Variants in WDFY4 observed in about 807,000 individuals in gnomAD.
The protein encoded by WDFY4 is WD repeat- and FYVE domain-containing protein 4.
WDFY4 carries 169 observed loss-of-function variants against 351.9 expected under a neutral mutation model. The ratio of observed to expected loss-of-function variants is 0.48; its 90% CI spans 0.42 to 0.55. The LOEUF (loss-of-function observed/expected upper bound fraction) is 0.55, where lower values mean the gene tolerates loss of function less well. Ranked by LOEUF, WDFY4 falls within the 20% of genes least tolerant of loss-of-function variation. The probability of loss-of-function intolerance (pLI) is 0.00; values close to 1 mark genes in which losing one functional copy is unlikely to be tolerated. For synonymous variants in WDFY4, 1,622 were observed against 1,574.6 expected (o/e 1.03, Z -0.71); for missense variants, 3,803 against 3,935.6 (o/e 0.97, Z 0.90).
chr10:48,910,190 G>GTGTTT, intron 47 of WDFY4: 7 of 1,499,342 alleles, frequency 4.7e-6, no homozygotes, highest in Non-Finnish European at 6.5e-6. Flanking sequence ...CTTCAGAGTC[G>GTGTTT]TTTATTCTGT....
intron 39 of WDFY4, among the ~76,000 whole-genome samples, chr10:48,840,492 C>G (rs1456558457): frequency 6.6e-6 from 1 of 151,742 alleles, no homozygotes; most frequent in Non-Finnish European, 1.5e-5. Flanking sequence ...CTTTCTCTCT[C>G]TCTCACACAC....
In WDFY4 at chr10:48,813,969, G is replaced by A; in HGVS notation, c.5227G>A (p.Ala1743Thr). ...CCTCCTCTTCCAGGACAGCCTTGAT[G>A]CCATGCTTCAGTGGCTCCTGCAGAG... ...LMDGPKDSLDAMLQWLLQRHH... is the reference protein window; with the variant it reads ...LMDGPKDSLDTMLQWLLQRHH... Residue 1743 changes from alanine to threonine, a missense_variant, in exon 31 of 62, where the codon GCC (alanine) becomes ACC (threonine). Coordinates refer to ENST00000325239, the MANE Select transcript of WDFY4 (RefSeq NM_001394531.1). 6.5e-7 allele frequency: 1 copy of A among 1,547,960 alleles called. No individual in the cohort carries two copies. The highest frequency in any genetic ancestry group is 8.7e-7 in the Non-Finnish European group (1 of 1,144,880).
At chr10:48,947,005 C>T (rs1841079014) in intron 51 of WDFY4, 36 bp downstream of exon 51, 6 of 1,362,224 alleles carry the variant, frequency 4.4e-6, no homozygotes, top group Non-Finnish European at 6.1e-6. Flanking sequence ...CACACACACA[C>T]ACACACACAC....
chr10:48,726,023 G>C lies in WDFY4; in HGVS notation c.734G>C (p.Arg245Thr). The C allele has an allele frequency of 6.4e-7, 1 of 1,551,612 alleles. No homozygotes were observed. The highest frequency in any genetic ancestry group is 8.7e-7 in the Non-Finnish European group (1 of 1,146,932). The change falls in exon 6 of 62, where the codon AGG (arginine) becomes ACG (threonine). Residue 245 changes from arginine (R) to threonine (T), a missense_variant. By Grantham distance (71) the Arg-to-Thr change is moderately conservative (BLOSUM62 -1). Around this residue, in one of 3 missense-constraint regions of WDFY4, gnomAD observed 488 missense variants for 456.8 expected, o/e 1.07. Coordinates refer to ENST00000325239, the MANE Select transcript of WDFY4 (RefSeq NM_001394531.1). Reference sequence around the variant, plus strand: ...AAGGAACCCACCTTCTGCGTGCTAAGGGCAATCTCCAAGGCCCAGAACCTC... The same window carrying C: ...AAGGAACCCACCTTCTGCGTGCTAACGGCAATCTCCAAGGCCCAGAACCTC... ...FWKEPTFCVL[R>T]AISKAQNLSI... is the part of the protein sequence containing the mutation.
intron 38 of WDFY4, 112 bp downstream of exon 38, chr10:48,830,997 A>G: frequency 2.9e-6 from 3 of 1,043,402 alleles, no homozygotes; most frequent in Non-Finnish European, 1.4e-6. Flanking sequence ...CCTCTGTCTC[A>G]TCCCTTAAGT....
At chr10:48,871,090 C>G (rs774967912) in intron 40 of WDFY4, among the ~76,000 whole-genome samples, 2 of 152,080 alleles carry the variant, frequency 1.3e-5, no homozygotes, top group African/African-American at 2.4e-5. Flanking sequence ...CCTGCCACCA[C>G]GCCTAGCTAA....
chr10:48,695,851 G>T (rs1339995140), intron 1 of WDFY4, among the ~76,000 whole-genome samples: 1 of 152,096 alleles, frequency 6.6e-6, no homozygotes, highest in Admixed American at 6.5e-5. Context: ...GTGGAAGTAG[G>T]TACACATACC....
At chr10:48,981,754 TATA>T (rs2131895313) in intron 61 of WDFY4, among the ~76,000 whole-genome samples, 1 of 152,328 alleles carries the variant, frequency 6.6e-6, no homozygotes, top group African/African-American at 2.4e-5. Flanking sequence ...ATCCAAGAGG[TATA>T]AGTATATTGT....
chr10:48,796,591 C>T (rs2132796431), intron 24 of WDFY4, 141 bp downstream of exon 24: 1 of 1,203,166 alleles, frequency 8.3e-7, no homozygotes, highest in African/African-American at 1.5e-5. Context: ...ACGAGCCTGC[C>T]CAGAGGCCCT....
chr10:48,707,082 A>G (rs1301484713), intron 1 of WDFY4, among the ~76,000 whole-genome samples: 1 of 152,242 alleles, frequency 6.6e-6, no homozygotes, highest in African/African-American at 2.4e-5. Flanking sequence ...CAGCAAGAGA[A>G]AGACAAGCAA....
At position 48,877,134 on chromosome 10, in the gene WDFY4, G is replaced by A; in HGVS notation, c.7102G>A (p.Glu2368Lys). Residue 2368 changes from glutamate to lysine, a missense_variant, in exon 43 of 62, where the codon GAA (glutamate) becomes AAA (lysine). Glu to Lys is a moderately conservative substitution (Grantham distance 56). This residue lies in a region of WDFY4 where 3,054 missense variants were observed against 3,148.6 expected (regional missense o/e 0.97). Transcript: ENST00000325239. ...FPALHESLHS[E>K]DFLELCRERQ... Reference sequence around the variant, plus strand: ...AGCCTTACACGAAAGTCTGCACTCAGAAGACTTCTTGGAACTGTGTCGGGA... The same window carrying A: ...AGCCTTACACGAAAGTCTGCACTCAAAAGACTTCTTGGAACTGTGTCGGGA... The A allele has an allele frequency of 6.4e-7, 1 of 1,551,534 alleles. No homozygotes were observed.
At chr10:48,791,423 A>C (rs750659207) in intron 23 of WDFY4, among the ~76,000 whole-genome samples, 7 of 152,202 alleles carry the variant, frequency 4.6e-5, no homozygotes, top group Non-Finnish European at 1.0e-4. Context: ...GTGCTAAGTA[A>C]ATGTTAGTCA....
intron 39 of WDFY4, among the ~76,000 whole-genome samples, chr10:48,838,734 G>A (rs1029582301): frequency 3.0e-4 from 45 of 152,162 alleles, no homozygotes; most frequent in African/African-American, 1.0e-3. Flanking sequence ...TAATTCTGAA[G>A]CAACATCCCA....
Position 48,768,057 on chromosome 10 carries a change from T to C in WDFY4, c.2554-6401T>C, listed in dbSNP as rs78956846. Among the ~76,000 whole-genome samples, 148 of 152,282 alleles carry C rather than the reference T, an allele frequency of 9.7e-4. 3 individuals are homozygous for C. The East Asian group carries it at 0.024, about 24-fold the overall frequency. The stretch of plus-strand genomic sequence containing the variant: ...GGGCCTGGAATGGGTGTTAGGATAC[T>C]GATTTGGATTAGCCTGGGCCTGGGA... On this transcript the variant is annotated intron_variant, in intron 13 of 61. Transcript: ENST00000325239.
chr10:48,977,972 T>C (rs1418234408), intron 59 of WDFY4, among the ~76,000 whole-genome samples: 2 of 152,112 alleles, frequency 1.3e-5, no homozygotes, highest in East Asian at 1.9e-4. Flanking sequence ...GGTAGCATTA[T>C]GGGCAAGAGG....
intron 14 of WDFY4, 101 bp downstream of exon 14, chr10:48,774,773 G>T: frequency 7.3e-7 from 1 of 1,367,072 alleles, no homozygotes; most frequent in South Asian, 1.3e-5. Flanking sequence ...AGGGACAGAT[G>T]GAGGGCACGG....
At chr10:48,787,904 TTCTTCTTCTTCTTC>T (rs2066505053) in intron 20 of WDFY4, among the ~76,000 whole-genome samples, 3 of 29,474 alleles carry the variant, frequency 1.0e-4, no homozygotes, top group East Asian at 8.9e-4. Flanking sequence ...CTTCTTCTTC[TTCTTCTTCTTCTTC>T]TTCTTCTTCT....
chr10:48,703,525 C>G (rs1028842223), intron 1 of WDFY4, among the ~76,000 whole-genome samples: 1 of 152,180 alleles, frequency 6.6e-6, no homozygotes, highest in Non-Finnish European at 1.5e-5. Flanking sequence ...AACTCTTTGT[C>G]TGCAGGCCCC....
Position 48,955,834 on chromosome 10 carries a change from G to A in WDFY4, c.7978-1295G>A, listed in dbSNP as rs372543258. On this transcript the variant is annotated intron_variant, in intron 51 of 61. Transcript: ENST00000325239. ...ACCCTCAGCCCTCTGAGCAGGGAAGGGAGTGGCGGGCACAGAGTGGGCACT... is the reference window on the plus strand; with the variant it reads ...ACCCTCAGCCCTCTGAGCAGGGAAGAGAGTGGCGGGCACAGAGTGGGCACT... 1.2e-4 allele frequency among the ~76,000 whole-genome samples: 19 copies of A among 152,210 alleles called. 1 individual carries two copies. The East Asian group carries it at 1.5e-3, about 12-fold the overall frequency.
Sources: gnomAD v4.1 joint callset for allele counts (sites outside exome capture counted in the v4.1 genomes callset) on GRCh38, gnomAD v4.1.1 for gene constraint, gnomAD v4.1.1 regional missense constraint, MANE v1.5 for transcripts, NCBI Gene and HGNC (gene_info 2026-07-23, HGNC 2026-07-21) for gene names.